Variants in B3GALT1 observed in about 807,000 individuals in gnomAD.
B3GALT1 encodes the protein beta-1,3-galactosyltransferase 1, also known as UDP-Gal:betaGlcNAc beta 1,3-galactosyltransferase, polypeptide 1.
In B3GALT1, 10 loss-of-function variants were observed where a neutral mutation model predicts 23.2. The observed-to-expected ratio is 0.43, with a 90% CI of 0.27 to 0.73. B3GALT1 has a LOEUF of 0.73. B3GALT1 is among the 30% of genes least tolerant of loss of function. The pLI, the probability that B3GALT1 is intolerant of heterozygous loss-of-function variation, is 0.21. For missense variants in B3GALT1, 299 were observed against 405.4 expected (o/e 0.74, Z 2.25); for synonymous variants, 156 against 141.5 (o/e 1.10, Z -0.73).
chr2:167,609,619 A>G (rs569865653), intron 2 of B3GALT1, among the ~76,000 whole-genome samples: 19 of 152,252 alleles, frequency 1.2e-4, no homozygotes, highest in African/African-American at 4.3e-4. Context: ...GCTTCAGCTG[A>G]TCTCTCCTAA....
intron 1 of B3GALT1, among the ~76,000 whole-genome samples, chr2:167,362,331 TTTTGCTATGCTAGCC>T (rs1193884040): frequency 1.3e-5 from 2 of 152,186 alleles, no homozygotes; most frequent in African/African-American, 4.8e-5. Context: ...CATTCCCCAC[TTTTGCTATGCTAGCC>T]TTTATTCACT....
intron 1 of B3GALT1, among the ~76,000 whole-genome samples, chr2:167,414,722 G>A (rs538835978): frequency 1.3e-5 from 2 of 152,282 alleles, no homozygotes; most frequent in South Asian, 4.1e-4. Flanking sequence ...AACACTGTTG[G>A]AAACCTTCAA....
At chr2:167,382,421 ACT>A (rs1697858410) in intron 1 of B3GALT1, among the ~76,000 whole-genome samples, 1 of 150,946 alleles carries the variant, frequency 6.6e-6, no homozygotes, top group Non-Finnish European at 1.5e-5. Context: ...TTGTATTTGC[ACT>A]GTTTTGCACC....
chr2:167,815,037 T>C (rs1391302213), intron 3 of B3GALT1: 2 of 152,258 alleles, frequency 1.3e-5, no homozygotes, highest in African/African-American at 4.8e-5. Context: ...TGGCACGCAC[T>C]GGACTCTGCA....
chr2:167,518,666 A>T (rs1393983449), intron 2 of B3GALT1, among the ~76,000 whole-genome samples: 4 of 152,206 alleles, frequency 2.6e-5, no homozygotes, highest in Non-Finnish European at 5.9e-5. Flanking sequence ...ATCCAGAACC[A>T]AGTCTCGGGA....
intron 2 of B3GALT1, among the ~76,000 whole-genome samples, chr2:167,524,554 A>C (rs1683189926): frequency 6.6e-6 from 1 of 152,214 alleles, no homozygotes. Flanking sequence ...ACTAATCAAA[A>C]CTTTGTTAAA....
At chr2:167,550,103 C>G (rs1357440471) in intron 2 of B3GALT1, among the ~76,000 whole-genome samples, 1 of 152,164 alleles carries the variant, frequency 6.6e-6, no homozygotes, top group Non-Finnish European at 1.5e-5. Flanking sequence ...TTAACCGTAA[C>G]AGTTGGTTCT....
chr2:167,501,688 C>G (rs1183286003), intron 2 of B3GALT1, among the ~76,000 whole-genome samples: 1 of 112,510 alleles, frequency 8.9e-6, no homozygotes, highest in African/African-American at 3.4e-5. Flanking sequence ...AAGCAGTTCT[C>G]AGAAATGTTA....
intron 2 of B3GALT1, among the ~76,000 whole-genome samples, chr2:167,527,349 G>T (rs1050357685): frequency 1.1e-4 from 16 of 151,228 alleles, no homozygotes; most frequent in African/African-American, 3.9e-4. Flanking sequence ...TTCAGTGTTT[G>T]GTTGATTTTA....
At chr2:167,415,653 C>T (rs1421472043) in intron 1 of B3GALT1, among the ~76,000 whole-genome samples, 1 of 152,120 alleles carries the variant, frequency 6.6e-6, no homozygotes, top group Non-Finnish European at 1.5e-5. Flanking sequence ...ATGTTTGTAA[C>T]TCCTTAGAGA....
intron 3 of B3GALT1, among the ~76,000 whole-genome samples, chr2:167,791,426 T>G (rs1688436637): frequency 6.6e-6 from 1 of 152,214 alleles, no homozygotes; most frequent in Admixed American, 6.5e-5. Context: ...AAGTCACAAT[T>G]GGTCAAATCT....
At chr2:167,440,036 GA>G (rs912209298) in intron 1 of B3GALT1, among the ~76,000 whole-genome samples, 8 of 151,434 alleles carry the variant, frequency 5.3e-5, no homozygotes, top group Non-Finnish European at 8.8e-5. Context: ...GTTTTATTTT[GA>G]AAAAATCGGT....
intron 3 of B3GALT1, among the ~76,000 whole-genome samples, chr2:167,808,532 T>A (rs1224408067): frequency 1.3e-5 from 2 of 151,982 alleles, no homozygotes; most frequent in African/African-American, 4.8e-5. Context: ...TTATTTCTTC[T>A]TAACTTATGA....
chr2:167,861,377 T>C (rs980696777), intron 4 of B3GALT1, among the ~76,000 whole-genome samples: 2 of 152,144 alleles, frequency 1.3e-5, no homozygotes, highest in African/African-American at 4.8e-5. Flanking sequence ...ACTGTAGCTA[T>C]AGCAAACTAA....
chr2:167,566,609 G>A (rs73026058), intron 2 of B3GALT1, among the ~76,000 whole-genome samples: 16,376 of 152,024 alleles, frequency 0.11, 1,898 homozygotes, highest in African/African-American at 0.28. Flanking sequence ...TTTGAATGAC[G>A]TGAGGTTTAG....
Position 167,642,754 on chromosome 2 carries a change from T to A in B3GALT1, c.-409-4155T>A, listed in dbSNP as rs960693374. Among the ~76,000 whole-genome samples, 6 of 152,140 alleles carry A rather than the reference T, an allele frequency of 3.9e-5. No homozygotes were observed. The East Asian group carries it at 1.2e-3, about 29-fold the overall frequency. ...CTTGTTGAGTTGTTGTGGTGGTTGT[T>A]GTTGATATCTGTCTCCCTCTTCAGG... On this transcript the variant is annotated intron_variant, in intron 2 of 4. Coordinates refer to ENST00000392690, the MANE Select transcript of B3GALT1 (RefSeq NM_020981.4).
intron 3 of B3GALT1, among the ~76,000 whole-genome samples, chr2:167,773,741 C>T (rs1275060841): frequency 1.3e-5 from 2 of 152,230 alleles, no homozygotes; most frequent in African/African-American, 4.8e-5. Context: ...GTGGGAGCCA[C>T]ATGCAACCAC....
At chr2:167,370,270 G>A (rs1406337012) in intron 1 of B3GALT1, among the ~76,000 whole-genome samples, 1 of 152,130 alleles carries the variant, frequency 6.6e-6, no homozygotes, top group Non-Finnish European at 1.5e-5. Flanking sequence ...TTGAACTGTT[G>A]TGCCTGTACA....
intron 2 of B3GALT1, among the ~76,000 whole-genome samples, chr2:167,625,121 T>A (rs1006910990): frequency 3.3e-5 from 5 of 151,888 alleles, no homozygotes; most frequent in Non-Finnish European, 5.9e-5. Flanking sequence ...CAGAAAAAAA[T>A]TGGAGTTCTA....
Sources: allele counts gnomAD v4.1 joint callset (sites outside exome capture counted in the v4.1 genomes callset), GRCh38; gene constraint gnomAD v4.1.1; transcripts MANE v1.5; gene names NCBI Gene and HGNC (gene_info 2026-07-23, HGNC 2026-07-21).